RBFOX1: variants seen among roughly 807,000 people sequenced by gnomAD.
The protein encoded by RBFOX1 is RNA binding fox-1 homolog 1.
In RBFOX1, 8 loss-of-function variants were observed where a neutral mutation model predicts 57.7. The observed-to-expected ratio is 0.14, with a 90% CI of 0.08 to 0.25. The LOEUF (loss-of-function observed/expected upper bound fraction) is 0.25, where lower values mean the gene tolerates loss of function less well. Among genes scored for constraint, RBFOX1 ranks in the 10% least tolerant of loss-of-function variants. The pLI, the probability that RBFOX1 is intolerant of heterozygous loss-of-function variation, is 1.00. For synonymous variants in RBFOX1, 326 were observed against 222.4 expected (o/e 1.47, Z -4.15); for missense variants, 611 against 548.5 (o/e 1.11, Z -1.14).
intron 4 of RBFOX1, among the ~76,000 whole-genome samples, chr16:7,083,039 A>G (rs1295785165): frequency 1.3e-5 from 2 of 152,232 alleles, no homozygotes; most frequent in Non-Finnish European, 2.9e-5. Flanking sequence ...AAAATGATTT[A>G]AAATGGAAGG....
intron 1 of RBFOX1, among the ~76,000 whole-genome samples, chr16:5,378,182 G>C (rs2066036893): frequency 6.6e-6 from 1 of 151,584 alleles, no homozygotes; most frequent in Non-Finnish European, 1.5e-5. Context: ...GGAATATTCA[G>C]CAACAGCTTC....
At chr16:5,831,471 C>CTTT (rs1555540187) in intron 3 of RBFOX1, among the ~76,000 whole-genome samples, 1 of 75,052 alleles carries the variant, frequency 1.3e-5, no homozygotes, top group Admixed American at 1.6e-4. Context: ...CCTCTTTTCT[C>CTTT]TTTTATTATT....
At chr16:7,033,039 C>G (rs181059665) in intron 3 of RBFOX1, among the ~76,000 whole-genome samples, 1 of 152,236 alleles carries the variant, frequency 6.6e-6, no homozygotes, top group East Asian at 1.9e-4. Flanking sequence ...TGTGTAGAGA[C>G]TGTCCACTAG....
intron 4 of RBFOX1, among the ~76,000 whole-genome samples, chr16:7,381,102 C>G (rs1029015681): frequency 6.6e-6 from 1 of 152,130 alleles, no homozygotes; most frequent in African/African-American, 2.4e-5. Flanking sequence ...TCAAACAAAC[C>G]CAGTGTTCTG....
At chr16:6,537,257 C>A (rs571514003) in intron 2 of RBFOX1, among the ~76,000 whole-genome samples, 8 of 152,002 alleles carry the variant, frequency 5.3e-5, no homozygotes, top group Non-Finnish European at 7.4e-5. Context: ...GGTTCGTGCA[C>A]CAGAATATGA....
At chr16:5,995,955 T>A (rs969238826) in intron 4 of RBFOX1, among the ~76,000 whole-genome samples, 7 of 152,210 alleles carry the variant, frequency 4.6e-5, no homozygotes, top group African/African-American at 1.7e-4. Context: ...CGGTATGTGG[T>A]GAGGGCCCAT....
chr16:5,988,729 G>A (rs1298390382), intron 4 of RBFOX1, among the ~76,000 whole-genome samples: 1 of 152,184 alleles, frequency 6.6e-6, no homozygotes, highest in Non-Finnish European at 1.5e-5. Context: ...TGACATCTTT[G>A]TGGATCAGTA....
At chr16:6,817,370 G>C (rs908604656) in intron 3 of RBFOX1, among the ~76,000 whole-genome samples, 1 of 151,978 alleles carries the variant, frequency 6.6e-6, no homozygotes, top group African/African-American at 2.4e-5. Context: ...CCCTTCTTTA[G>C]TGTCTCATGG....
rs1276800660 is a variant in RBFOX1, at chr16:7,423,752, G to T, written c.28-94395G>T. On this transcript the variant is annotated intron_variant, in intron 4 of 15. Coordinates refer to ENST00000550418, the MANE Select transcript of RBFOX1 (RefSeq NM_018723.4). ...TCCACATTATGTATTGCACACCTCTGTTCTGTGTCTCTCCTCACCTGCTTT... is the reference window on the plus strand; with the variant it reads ...TCCACATTATGTATTGCACACCTCTTTTCTGTGTCTCTCCTCACCTGCTTT... Among the ~76,000 whole-genome samples the T allele has an allele frequency of 2.0e-5, 3 of 152,132 alleles. No individual in the cohort carries two copies. The East Asian group carries it at 5.8e-4, about 29-fold the overall frequency.
chr16:5,495,216 G>T (rs895812474), intron 2 of RBFOX1, among the ~76,000 whole-genome samples: 1 of 152,180 alleles, frequency 6.6e-6, no homozygotes, highest in African/African-American at 2.4e-5. Flanking sequence ...GAAATAGAAA[G>T]AATTAACTTC....
intron 4 of RBFOX1, among the ~76,000 whole-genome samples, chr16:5,902,698 G>C (rs2058333879): frequency 6.6e-6 from 1 of 152,148 alleles, no homozygotes; most frequent in Non-Finnish European, 1.5e-5. Flanking sequence ...TTACAAGCAT[G>C]AGCCACCGTG....
intron 2 of RBFOX1, among the ~76,000 whole-genome samples, chr16:6,435,092 T>C (rs775180076): frequency 2.8e-4 from 43 of 152,218 alleles, no homozygotes; most frequent in Non-Finnish European, 5.3e-4. Flanking sequence ...ATCTATAGCA[T>C]TAGTCAGTCG....
At chr16:7,500,625 T>C (rs572067544) in intron 4 of RBFOX1, among the ~76,000 whole-genome samples, 3 of 152,232 alleles carry the variant, frequency 2.0e-5, no homozygotes, top group Non-Finnish European at 4.4e-5. Flanking sequence ...TCACTAGATA[T>C]GATTTGGGCA....
intron 2 of RBFOX1, among the ~76,000 whole-genome samples, chr16:5,517,454 C>A (rs2043833378): frequency 6.6e-6 from 1 of 152,184 alleles, no homozygotes; most frequent in Non-Finnish European, 1.5e-5. Flanking sequence ...GGCTTGGCTT[C>A]CAATAGCTTT....
intron 3 of RBFOX1, among the ~76,000 whole-genome samples, chr16:6,716,347 C>A (rs1024900719): frequency 2.0e-5 from 3 of 152,182 alleles, no homozygotes; most frequent in African/African-American, 4.8e-5. Flanking sequence ...CTCTTGCTCC[C>A]TCATCTTTGC....
chr16:5,614,383 G>A (rs2047941329), intron 3 of RBFOX1, among the ~76,000 whole-genome samples: 1 of 152,146 alleles, frequency 6.6e-6, no homozygotes, highest in Admixed American at 6.5e-5. Flanking sequence ...TCCTCCCTGA[G>A]TCCATGGGGA....
chr16:6,523,744 G>T (rs559754406), intron 2 of RBFOX1, among the ~76,000 whole-genome samples: 2 of 152,156 alleles, frequency 1.3e-5, no homozygotes, highest in South Asian at 4.1e-4. Context: ...TAGCCCCATT[G>T]GTTGACTATA....
chr16:6,492,995 C>G (rs1307920486), intron 2 of RBFOX1, among the ~76,000 whole-genome samples: 2 of 152,184 alleles, frequency 1.3e-5, no homozygotes, highest in Non-Finnish European at 2.9e-5. Context: ...AGAGATGAAG[C>G]TTTTGCTTTT....
At chr16:5,262,073 T>C (rs1451417100) in intron 1 of RBFOX1, among the ~76,000 whole-genome samples, 1 of 152,202 alleles carries the variant, frequency 6.6e-6, no homozygotes, top group East Asian at 1.9e-4. Context: ...ACACAACGTA[T>C]TTTGAGATAT....
Sources: allele counts gnomAD v4.1 joint callset (sites outside exome capture counted in the v4.1 genomes callset), GRCh38; gene constraint gnomAD v4.1.1; transcripts MANE v1.5; gene names NCBI Gene and HGNC (gene_info 2026-07-23, HGNC 2026-07-21).